Variants in TFCP2L1 observed in about 807,000 individuals in gnomAD.
TFCP2L1 encodes transcription factor CP2 like 1, also known as transcription factor CP2-like protein 1.
Under a neutral mutation model 72.2 loss-of-function variants are expected in TFCP2L1, and 12 were observed. The observed-to-expected ratio is 0.17, with a 90% CI of 0.11 to 0.27. TFCP2L1 has a LOEUF of 0.27. Ranked by LOEUF, TFCP2L1 falls within the 10% of genes least tolerant of loss-of-function variation. TFCP2L1 has a pLI of 1.00. For synonymous variants in TFCP2L1, 260 were observed against 251.0 expected (o/e 1.04, Z -0.34); for missense variants, 488 against 624.6 (o/e 0.78, Z 2.33).
chr2:121,249,655 G>T lies in TFCP2L1; in HGVS notation c.215-8C>A, dbSNP rs1473786942. 6.2e-7 allele frequency: 1 copy of T among 1,613,918 alleles called. No individual in the cohort carries two copies. On this transcript the variant is annotated splice_polypyrimidine_tract_variant and splice_region_variant and intron_variant, in intron 2 of 14. Transcript: ENST00000263707. ...GGATTTCATAAGACTGACCTGGATG[G>T]GGGTTAAAAGGACATTTTCCATTTC... is the stretch of plus-strand genomic sequence containing the variant.
At chr2:121,235,366 G>T in intron 10 of TFCP2L1, 55 bp from the exon 11 acceptor site, 1 of 1,584,528 alleles carries the variant, frequency 6.3e-7, no homozygotes, top group Non-Finnish European at 8.7e-7. Flanking sequence ...GAAAGGGCTC[G>T]GTCCCCAACC....
intron 13 of TFCP2L1, among the ~76,000 whole-genome samples, chr2:121,227,662 C>T (rs1218149909): frequency 6.6e-6 from 1 of 151,160 alleles, no homozygotes; most frequent in South Asian, 2.1e-4. Flanking sequence ...GCCTGGGTGA[C>T]AGAGTGAGAC....
At chr2:121,230,184 T>C (rs1686112635) in intron 13 of TFCP2L1, among the ~76,000 whole-genome samples, 1 of 152,124 alleles carries the variant, frequency 6.6e-6, no homozygotes, top group African/African-American at 2.4e-5. Flanking sequence ...CTTTGTTTTG[T>C]TTTTGAGATG....
intron 2 of TFCP2L1, among the ~76,000 whole-genome samples, chr2:121,275,705 G>A (rs931566045): frequency 6.6e-6 from 1 of 151,474 alleles, no homozygotes; most frequent in Admixed American, 6.6e-5. Flanking sequence ...CAAGTAGCTC[G>A]GATCACAGGT....
At position 121,221,498 on chromosome 2, in the gene TFCP2L1, C is replaced by T. The variant is rs1386564096; in HGVS notation, c.*2843G>A. The T allele has an allele frequency of 1.3e-5, 2 of 152,044 alleles. No individual in the cohort carries two copies. Among genetic ancestry groups the T allele is most frequent in the Non-Finnish European group, 2.9e-5 (2 of 68,022 alleles). 9.4% of individuals were successfully genotyped at this position (152,044 alleles called of 1,614,324 possible). On this transcript the variant is annotated 3_prime_UTR_variant, in exon 15 of 15. Coordinates refer to ENST00000263707, the MANE Select transcript of TFCP2L1 (RefSeq NM_014553.3). ...CTTTAGCAAGGATGCCAAGACAATT[C>T]CGTGGAGAAAGGATATTTTTCTCAA...
At chr2:121,281,696 A>G (rs1687266720) in intron 1 of TFCP2L1, among the ~76,000 whole-genome samples, 1 of 152,094 alleles carries the variant, frequency 6.6e-6, no homozygotes, top group Non-Finnish European at 1.5e-5. Context: ...TTTAATCAAC[A>G]ATTCCATTTA....
intron 13 of TFCP2L1, among the ~76,000 whole-genome samples, chr2:121,230,640 G>T (rs551620812): frequency 1.1e-4 from 17 of 151,802 alleles, no homozygotes; most frequent in Middle Eastern, 7.0e-3. Flanking sequence ...AGGCGTGGTG[G>T]TGAGTGCCTG....
intron 2 of TFCP2L1, among the ~76,000 whole-genome samples, chr2:121,253,761 G>A (rs1686657941): frequency 6.6e-6 from 1 of 152,122 alleles, no homozygotes; most frequent in African/African-American, 2.4e-5. Context: ...GCTTCTCCTG[G>A]GCCAGGGATC....
chr2:121,236,792 A>G (rs1389329961), intron 10 of TFCP2L1, among the ~76,000 whole-genome samples: 2 of 152,022 alleles, frequency 1.3e-5, no homozygotes, highest in African/African-American at 4.8e-5. Context: ...TGACTGCCCT[A>G]CTTAAGACAC....
Position 121,281,200 on chromosome 2 carries a change from G to A in TFCP2L1, c.134C>T (p.Pro45Leu), listed in dbSNP as rs1391301751. 2 of 1,613,468 alleles carry A rather than the reference G, an allele frequency of 1.2e-6. No homozygotes were observed. Among genetic ancestry groups the A allele is most frequent in the Admixed American group, 1.7e-5 (1 of 59,948 alleles). ...AGCACACAACACATATTGCAGGGGT[G>A]GCAGGCGGGCCTCGTTCTCGGGGGA... ...QLSPENEARL[P>L]PLQYVLCAAT... is the part of the protein sequence containing the mutation. The change falls in exon 2 of 15, where the codon CCA (proline) becomes CTA (leucine). Residue 45 changes from proline to leucine, a missense_variant. By Grantham distance (98) the Pro-to-Leu change is moderately conservative. Transcript: ENST00000263707.
Position 121,223,634 on chromosome 2 carries a change from G to A in TFCP2L1, c.*707C>T, listed in dbSNP as rs10200387. 51,381 of 152,824 alleles carry A rather than the reference G, an allele frequency of 0.34. 9,053 individuals are homozygous for A. The highest frequency in any genetic ancestry group is 0.48 in the South Asian group (2,306 of 4,820). 9.5% of individuals were successfully genotyped at this position (152,824 alleles called of 1,614,324 possible). Reference sequence around the variant, plus strand: ...AGAACTAATGTCTCTGAGAAAGGCCGTGCACATACATTGTGGCATCTACCA... The same window carrying A: ...AGAACTAATGTCTCTGAGAAAGGCCATGCACATACATTGTGGCATCTACCA... On this transcript the variant is annotated 3_prime_UTR_variant, in exon 15 of 15. Transcript: ENST00000263707.
At chr2:121,238,980 T>G (rs1686307004) in intron 8 of TFCP2L1, among the ~76,000 whole-genome samples, 1 of 152,086 alleles carries the variant, frequency 6.6e-6, no homozygotes. Context: ...GCACAGGGCA[T>G]GCAGAGCCAT....
intron 2 of TFCP2L1, among the ~76,000 whole-genome samples, chr2:121,258,973 C>A (rs1256610610): frequency 6.6e-6 from 1 of 151,958 alleles, no homozygotes; most frequent in Non-Finnish European, 1.5e-5. Flanking sequence ...TCTGCTCGGG[C>A]GCGGTGGCTC....
chr2:121,228,148 C>A (rs1042534619), intron 13 of TFCP2L1, among the ~76,000 whole-genome samples: 2 of 152,238 alleles, frequency 1.3e-5, no homozygotes, highest in Non-Finnish European at 2.9e-5. Context: ...GAATGAGAAT[C>A]GCCTACTTAG....
At chr2:121,254,315 G>A (rs868065361) in intron 2 of TFCP2L1, among the ~76,000 whole-genome samples, 4 of 152,304 alleles carry the variant, frequency 2.6e-5, no homozygotes, top group Middle Eastern at 3.4e-3. Context: ...TGGAAGAGCC[G>A]TACTATAATG....
intron 2 of TFCP2L1, among the ~76,000 whole-genome samples, chr2:121,261,842 A>G (rs1351350013): frequency 6.6e-6 from 1 of 152,230 alleles, no homozygotes; most frequent in Non-Finnish European, 1.5e-5. Context: ...CCTGGCAGAC[A>G]CTACCCTAAC....
Position 121,218,261 on chromosome 2 carries a change from T to C in TFCP2L1, c.*6080A>G, listed in dbSNP as rs997197704. 1 of 152,232 alleles carries C rather than the reference T, an allele frequency of 6.6e-6. No individual in the cohort carries two copies. The highest frequency in any genetic ancestry group is 2.4e-5 in the African/African-American group (1 of 41,458). The allele number at this position is 152,232 out of a possible 1,614,324, so 9.4% of individuals were successfully genotyped here. On this transcript the variant is annotated 3_prime_UTR_variant, in exon 15 of 15. Transcript: ENST00000263707. Reference sequence around the variant, plus strand: ...AAAATACAATAATTGAGTACATATTTTTGGTAAATACATGTCTACTAAAAA... The same window carrying C: ...AAAATACAATAATTGAGTACATATTCTTGGTAAATACATGTCTACTAAAAA...
intron 2 of TFCP2L1, among the ~76,000 whole-genome samples, chr2:121,251,981 G>A (rs1240979454): frequency 6.6e-6 from 1 of 152,154 alleles, no homozygotes; most frequent in African/African-American, 2.4e-5. Context: ...TGCAGACTAG[G>A]AAGAGCAAAC....
intron 2 of TFCP2L1, among the ~76,000 whole-genome samples, chr2:121,275,188 T>A (rs1438377948): frequency 1.3e-5 from 2 of 151,898 alleles, no homozygotes; most frequent in Non-Finnish European, 2.9e-5. Flanking sequence ...ATCGAGACCA[T>A]CCTGGCTAAC....
Sources: gnomAD v4.1 joint callset for allele counts (sites outside exome capture counted in the v4.1 genomes callset) on GRCh38, gnomAD v4.1.1 for gene constraint, MANE v1.5 for transcripts, NCBI Gene and HGNC (gene_info 2026-07-23, HGNC 2026-07-21) for gene names.